CMTR1: variants seen among roughly 807,000 people sequenced by gnomAD.
CMTR1 encodes the protein cap methyltransferase 1.
CMTR1 carries 39 observed loss-of-function variants against 107.0 expected under a neutral mutation model. The observed-to-expected ratio is 0.36, with a 90% CI of 0.28 to 0.48. CMTR1 has a LOEUF of 0.48. Among genes scored for constraint, CMTR1 ranks in the 20% least tolerant of loss-of-function variants. The pLI is 0.99. For missense variants in CMTR1, 672 were observed against 1,064.9 expected (o/e 0.63, Z 5.14); for synonymous variants, 366 against 379.5 (o/e 0.96, Z 0.41).
intron 3 of CMTR1, among the ~76,000 whole-genome samples, chr6:37,444,915 C>T (rs772648410): frequency 6.6e-6 from 1 of 152,020 alleles, no homozygotes; most frequent in Non-Finnish European, 1.5e-5. Context: ...AATCCCAGCT[C>T]CTCAGGAGGC....
rs1290537329 is a variant in CMTR1, at chr6:37,458,835, G to A, written c.976+25G>A. ...GGTAGGGACATTGAGGAGGGTACTA[G>A]GAGGTATGAGGGACAGCCCCTCTAT... is the stretch of plus-strand genomic sequence containing the variant. On this transcript the variant is annotated intron_variant, in intron 9 of 23. Transcript: ENST00000373451. This position sits in a 1 kb window ranked among gnomAD's most constrained non-coding sequence, Gnocchi z 4.7. 6.2e-7 allele frequency: 1 copy of A among 1,607,934 alleles called. No individual in the cohort carries two copies. The highest frequency in any genetic ancestry group is 1.7e-5 in the Admixed American group (1 of 59,942).
chr6:37,460,420 G>A (rs1398483798), intron 10 of CMTR1, among the ~76,000 whole-genome samples: 1 of 152,180 alleles, frequency 6.6e-6, no homozygotes, highest in Non-Finnish European at 1.5e-5. Flanking sequence ...GAGCAGATGT[G>A]GGAGTCTGAT....
rs1761638694 is a variant in CMTR1 at position 37,472,016 on chromosome 6, C to CT, written c.1620+113dup. 8 of 920,434 alleles carry CT rather than the reference C, an allele frequency of 8.7e-6. No individual in the cohort carries two copies. Among genetic ancestry groups the CT allele is most frequent in the Non-Finnish European group, 1.2e-5 (7 of 604,584 alleles). The allele number at this position is 920,434 out of a possible 1,614,324, so 57.0% of individuals were successfully genotyped here. ...GTGTCTCTGCATCCAAAAATATCTG[C>CT]TACCCTCACAGCATCCCAGAGGTTG... is the stretch of plus-strand genomic sequence containing the variant. On this transcript the variant is annotated intron_variant, in intron 15 of 23. Coordinates refer to ENST00000373451, the MANE Select transcript of CMTR1 (RefSeq NM_015050.3). This position sits in a 1 kb window ranked among gnomAD's most constrained non-coding sequence, Gnocchi z 4.1.
At position 37,481,292 on chromosome 6, in the gene CMTR1, G is replaced by T. The variant is rs1238624339; in HGVS notation, c.*1147G>T. The T allele has an allele frequency of 2.1e-5, 26 of 1,227,266 alleles. No homozygotes were observed. Among genetic ancestry groups the T allele is most frequent in the Non-Finnish European group, 2.7e-5 (26 of 959,222 alleles). 76.0% of individuals were successfully genotyped at this position (1,227,266 alleles called of 1,614,324 possible). On this transcript the variant is annotated 3_prime_UTR_variant, in exon 24 of 24. Coordinates refer to ENST00000373451, the MANE Select transcript of CMTR1 (RefSeq NM_015050.3). ...GAGATGTTCATGCAGGCTCCCTAGG[G>T]CCCCATCCCAGTGCCAGGCTGGTTT... is the stretch of plus-strand genomic sequence containing the variant.
At chr6:37,453,425 G>C in intron 8 of CMTR1, 113 bp downstream of exon 8, 4 of 1,031,620 alleles carry the variant, frequency 3.9e-6, no homozygotes, top group Non-Finnish European at 6.0e-6. Flanking sequence ...GTGTGATGGA[G>C]ATACTTTGCT....
intron 8 of CMTR1, 66 bp downstream of exon 8, chr6:37,453,378 A>G (rs41272220): frequency 0.014 from 20,013 of 1,423,288 alleles, 246 homozygotes; most frequent in South Asian, 0.043. Context: ...TGGCTCAGCC[A>G]TTGCCATTTG....
intron 9 of CMTR1, 73 bp from the exon 10 acceptor site, chr6:37,459,493 C>T: frequency 7.7e-7 from 1 of 1,294,530 alleles, no homozygotes; most frequent in Non-Finnish European, 1.1e-6. Context: ...CTTCACTGAC[C>T]CAGAGCACTC....
chr6:37,450,334 G>C lies in CMTR1; in HGVS notation c.528G>C (p.Val176=), dbSNP rs775859290. Residue 176 remains valine, a synonymous_variant, in exon 5 of 24, where the codon GTG becomes GTC. Coordinates refer to ENST00000373451, the MANE Select transcript of CMTR1 (RefSeq NM_015050.3). ...PDTQEMSDWM[V]VGKRKMIIED... ...CTCAGGAAATGAGCGATTGGATGGT[G>C]GTGGGAAAGGTAGGCTTTCAGGAAA... 16 of 1,613,686 alleles carry C rather than the reference G, an allele frequency of 9.9e-6. No individual in the cohort carries two copies. In the East Asian group the frequency reaches 3.6e-4, roughly 36 times the overall value.
the CMTR1 span, among the ~76,000 whole-genome samples, chr6:37,426,328 T>G: frequency 6.6e-6 from 1 of 152,212 alleles, no homozygotes; most frequent in Non-Finnish European, 1.5e-5. Flanking sequence ...GTGACACACT[T>G]TTCTGTTTCT....
Position 37,460,614 on chromosome 6 carries a change from T to C in CMTR1, c.1095+930T>C, listed in dbSNP as rs200984198. Among the ~76,000 whole-genome samples, 4 of 152,228 alleles carry C rather than the reference T, an allele frequency of 2.6e-5. No individual in the cohort carries two copies. In the East Asian group the frequency reaches 7.7e-4, roughly 29 times the overall value. On this transcript the variant is annotated intron_variant, in intron 10 of 23. Coordinates refer to ENST00000373451, the MANE Select transcript of CMTR1 (RefSeq NM_015050.3). ...TCTGGAAGACACTCCTAAACATTTC[T>C]TATCCTGAGTCCTTTAGCTATCACT... is the stretch of plus-strand genomic sequence containing the variant.
chr6:37,477,563 T>C (rs775682596), intron 20 of CMTR1, 29 bp from the exon 21 acceptor site: 2 of 1,605,180 alleles, frequency 1.2e-6, no homozygotes, highest in South Asian at 2.2e-5. Context: ...CAGGAAGCCT[T>C]TGTCTTGTCT....
chr6:37,476,275 A>C, intron 20 of CMTR1, 81 bp downstream of exon 20: 2 of 1,426,924 alleles, frequency 1.4e-6, no homozygotes, highest in Non-Finnish European at 2.0e-6. Flanking sequence ...AGGAGGGCTC[A>C]GTGGAGGGCA....
intron 22 of CMTR1, 88 bp downstream of exon 22, chr6:37,478,609 C>T (rs992108248): frequency 7.7e-6 from 8 of 1,036,338 alleles, no homozygotes; most frequent in African/African-American, 4.7e-5. Flanking sequence ...TGAGCCAGAG[C>T]GAAGGGCTCC....
At chr6:37,437,177 T>C (rs1771547482) in intron 2 of CMTR1, among the ~76,000 whole-genome samples, 1 of 152,022 alleles carries the variant, frequency 6.6e-6, no homozygotes, top group African/African-American at 2.4e-5. Context: ...AACATAAATT[T>C]GTAAACTTTC....
Position 37,458,553 on chromosome 6 carries a change from TG to T in CMTR1, c.778-58del. The T allele has an allele frequency of 6.5e-7, 1 of 1,540,060 alleles. No homozygotes were observed. The highest frequency in any genetic ancestry group is 8.9e-7 in the Non-Finnish European group (1 of 1,122,142). On this transcript the variant is annotated intron_variant, in intron 8 of 23. Coordinates refer to ENST00000373451, the MANE Select transcript of CMTR1 (RefSeq NM_015050.3). This position sits in a 1 kb window ranked among gnomAD's most constrained non-coding sequence, Gnocchi z 4.7. ...TTTACTCTCCCTGCATTCTCCTTCC[TG>T]TTGCCCATTGAGCTGTCTTGTTTTC...
the CMTR1 span, among the ~76,000 whole-genome samples, chr6:37,424,606 A>G: frequency 6.6e-6 from 1 of 152,112 alleles, no homozygotes; most frequent in Non-Finnish European, 1.5e-5. Flanking sequence ...AGTCTCCTAA[A>G]TTATACAGAA....
intron 13 of CMTR1, among the ~76,000 whole-genome samples, chr6:37,466,204 C>T (rs1761509368): frequency 6.6e-6 from 1 of 151,208 alleles, no homozygotes; most frequent in African/African-American, 2.4e-5. Flanking sequence ...CCTCTGCCTC[C>T]CGGGTTCAAG....
chr6:37,471,435 C>T (rs116248712), intron 14 of CMTR1, among the ~76,000 whole-genome samples: 2,128 of 152,156 alleles, frequency 0.014, 46 homozygotes, highest in African/African-American at 0.047. Flanking sequence ...AGAGAAACCT[C>T]GGGTAGGGGG....
At chr6:37,453,607 A>T in intron 8 of CMTR1, among the ~76,000 whole-genome samples, 1 of 147,448 alleles carries the variant, frequency 6.8e-6, no homozygotes, top group East Asian at 2.0e-4. Context: ...ACTTGGTGAC[A>T]TCACCTGATT....
Sources: gnomAD v4.1 joint callset for allele counts (sites outside exome capture counted in the v4.1 genomes callset) on GRCh38, gnomAD v4.1.1 for gene constraint, Gnocchi (gnomAD v3.1) non-coding constraint, MANE v1.5 for transcripts, NCBI Gene and HGNC (gene_info 2026-07-23, HGNC 2026-07-21) for gene names.